PCGF6: variants seen among roughly 807,000 people sequenced by gnomAD.
PCGF6 encodes the protein polycomb group RING finger protein 6.
PCGF6 carries 24 observed loss-of-function variants against 45.5 expected under a neutral mutation model. That is an observed-to-expected ratio of 0.53 (90% CI 0.38 to 0.74). The LOEUF (loss-of-function observed/expected upper bound fraction) is 0.74, where lower values mean the gene tolerates loss of function less well. PCGF6 is among the 30% of genes least tolerant of loss of function. The pLI is 0.00. For synonymous variants in PCGF6, 152 were observed against 162.1 expected, an observed-to-expected ratio of 0.94 and a Z score of 0.47; for missense variants, 356 against 443.2, an observed-to-expected ratio of 0.80 and a Z score of 1.77.
At chr10:103,306,567 C>T (rs376092042) in intron 9 of PCGF6, among the ~76,000 whole-genome samples, 4 of 152,136 alleles carry the variant, frequency 2.6e-5, no homozygotes, top group South Asian at 2.1e-4. Flanking sequence ...TACTCTCCTT[C>T]GCTTCTTTGC....
At position 103,306,081 on chromosome 10, in the gene PCGF6, C is replaced by T. The variant is rs2093137270; in HGVS notation, c.997-2120G>A. 7.9e-5 allele frequency among the ~76,000 whole-genome samples: 9 copies of T among 113,910 alleles called. No homozygotes were observed. In the South Asian group the frequency reaches 3.1e-3, roughly 39 times the overall value. 74.7% of individuals were successfully genotyped at this position (113,910 alleles called of 152,430 possible). A position where few individuals can be genotyped will look rare whatever the true frequency, so the allele number is the denominator to read the frequency against. On this transcript the variant is annotated intron_variant, in intron 9 of 9. Transcript: ENST00000369847. Reference sequence around the variant, plus strand: ...CTTAATTCTTTGGCTCTCACCAAGGCTGCATCCGCAAGCAATCCACCTTTT... The same window carrying T: ...CTTAATTCTTTGGCTCTCACCAAGGTTGCATCCGCAAGCAATCCACCTTTT...
intron 9 of PCGF6, among the ~76,000 whole-genome samples, chr10:103,305,577 T>G (rs966445270): frequency 6.6e-6 from 1 of 152,068 alleles, no homozygotes; most frequent in Non-Finnish European, 1.5e-5. Context: ...GGCCCTAGAC[T>G]TCTTAATAGA....
chr10:103,350,551 A>T (rs1479800245), intron 1 of PCGF6, among the ~76,000 whole-genome samples, 156 bp downstream of exon 1: 3 of 152,184 alleles, frequency 2.0e-5, no homozygotes, highest in Non-Finnish European at 4.4e-5. Context: ...TCGGCGCCAC[A>T]CGCCTAGGCA....
intron 7 of PCGF6, among the ~76,000 whole-genome samples, chr10:103,333,117 T>TAA (rs55722610): frequency 3.5e-4 from 46 of 131,006 alleles, no homozygotes; most frequent in African/African-American, 1.2e-3. Flanking sequence ...AGACTCCATT[T>TAA]AAAAAAAAAA....
chr10:103,326,331 G>A (rs1051229510), intron 8 of PCGF6, among the ~76,000 whole-genome samples: 2 of 150,104 alleles, frequency 1.3e-5, no homozygotes, highest in African/African-American at 2.5e-5. Context: ...TGAGCTTGCA[G>A]TGAGCTGAGA....
At chr10:103,305,202 G>T (rs1285303815) in intron 9 of PCGF6, among the ~76,000 whole-genome samples, 2 of 142,722 alleles carry the variant, frequency 1.4e-5, no homozygotes, top group Non-Finnish European at 3.1e-5. Context: ...TCAAACTCTT[G>T]AGCTTCAAGC....
chr10:103,339,659 G>A (rs973845871), intron 6 of PCGF6, among the ~76,000 whole-genome samples: 20 of 150,530 alleles, frequency 1.3e-4, no homozygotes, highest in Non-Finnish European at 7.4e-5. Context: ...GTGTGGAGGA[G>A]GGCACTTGTA....
Position 103,303,323 on chromosome 10 carries a change from CATA to C in PCGF6, c.*579_*581del, listed in dbSNP as rs1419753985. 6.6e-6 allele frequency: 1 copy of C among 152,432 alleles called. No homozygotes were observed. Among genetic ancestry groups the C allele is most frequent in the East Asian group, 1.9e-4 (1 of 5,190 alleles). 9.4% of individuals were successfully genotyped at this position (152,432 alleles called of 1,614,324 possible). A position where few individuals can be genotyped will look rare whatever the true frequency, so the allele number is the denominator to read the frequency against. On this transcript the variant is annotated 3_prime_UTR_variant, in exon 10 of 10. Transcript: ENST00000369847. Reference sequence around the variant, plus strand: ...ATCATAAACTCAGAGTCTCTTCACACATAATAACAATTCATCCATTTTGAAATG... The same window carrying C: ...ATCATAAACTCAGAGTCTCTTCACACATAACAATTCATCCATTTTGAAATG...
At chr10:103,320,830 A>T (rs1362273422) in intron 8 of PCGF6, among the ~76,000 whole-genome samples, 1 of 151,536 alleles carries the variant, frequency 6.6e-6, no homozygotes, top group African/African-American at 2.4e-5. Flanking sequence ...AATGAAGGTC[A>T]CATATCTGTA....
chr10:103,345,521 T>C (rs988559927), intron 5 of PCGF6, among the ~76,000 whole-genome samples: 1 of 147,762 alleles, frequency 6.8e-6, no homozygotes, highest in African/African-American at 2.5e-5. Context: ...TTTTTTTTTT[T>C]CTTAACTAAT....
At chr10:103,339,807 AAAAACACACACAC>A (rs1299971209) in intron 6 of PCGF6, among the ~76,000 whole-genome samples, 599 of 45,170 alleles carry the variant, frequency 0.013, 37 homozygotes, top group African/African-American at 0.029. Flanking sequence ...GTCTCAAAAA[AAAAACACACACAC>A]ACACACACAC....
chr10:103,338,063 CA>C (rs35839501), intron 6 of PCGF6, among the ~76,000 whole-genome samples: 14,962 of 26,880 alleles, frequency 0.56, 4,273 homozygotes, highest in Non-Finnish European at 0.68. Context: ...GACTCCGTCT[CA>C]AAAAAAAAAA....
chr10:103,317,974 CT>C (rs1274946671), intron 8 of PCGF6, among the ~76,000 whole-genome samples: 1 of 149,210 alleles, frequency 6.7e-6, no homozygotes, highest in East Asian at 2.2e-4. Flanking sequence ...TCAGACTGGT[CT>C]CGAACTCCCG....
chr10:103,329,005 G>A (rs541445233), intron 7 of PCGF6, among the ~76,000 whole-genome samples: 25 of 149,908 alleles, frequency 1.7e-4, no homozygotes, highest in Admixed American at 9.4e-4. Context: ...TCAGCGTCCC[G>A]AAGTGCTGGG....
At position 103,318,351 on chromosome 10, in the gene PCGF6, G is replaced by A. The variant is rs142222668; in HGVS notation, c.910-4079C>T. Among the ~76,000 whole-genome samples the A allele has an allele frequency of 4.5e-4, 66 of 147,478 alleles. No individual in the cohort carries two copies. In the East Asian group the frequency reaches 0.014, roughly 30 times the overall value. On this transcript the variant is annotated intron_variant, in intron 8 of 9. Coordinates refer to ENST00000369847, the MANE Select transcript of PCGF6 (RefSeq NM_001011663.2). ...CCAGCTACTCAGGAGGCTGAGGCAG[G>A]AGGATCACTCAAACCTGGGAGTCAG...
rs372427350 is a variant in PCGF6, at chr10:103,347,497, C to T, written c.558-47G>A. ...GAATACCTCAGAATTCAGAAAAATG[C>T]ATTTTGGTACAGAGTGAGTTAATTG... On this transcript the variant is annotated intron_variant, in intron 3 of 9. Transcript: ENST00000369847. 2.1e-6 allele frequency: 3 copies of T among 1,461,332 alleles called. No individual in the cohort carries two copies. In the Admixed American group the frequency reaches 5.6e-5, roughly 27 times the overall value. The allele number at this position is 1,461,332 out of a possible 1,614,324, so 90.5% of individuals were successfully genotyped here. A position where few individuals can be genotyped will look rare whatever the true frequency, so the allele number is the denominator to read the frequency against.
At position 103,339,809 on chromosome 10, in the gene PCGF6, A is replaced by AC. The variant is rs2093272550; in HGVS notation, c.782+5214_782+5215insG. ...CGAAATTCTGTCTGTCTCAAAAAAA[A>AC]AACACACACACACACACACACACAC... On this transcript the variant is annotated intron_variant, in intron 6 of 9. Transcript: ENST00000369847. Among the ~76,000 whole-genome samples the AC allele has an allele frequency of 1.5e-3, 58 of 38,686 alleles. 1 individual carries two copies. Among genetic ancestry groups the AC allele is most frequent in the Admixed American group, 4.1e-3 (11 of 2,702 alleles). The allele number at this position is 38,686 out of a possible 152,430, so 25.4% of individuals were successfully genotyped here.
At position 103,340,196 on chromosome 10, in the gene PCGF6, A is replaced by ATATAT. The variant is rs1397610873; in HGVS notation, c.782+4827_782+4828insATATA. Among the ~76,000 whole-genome samples, 151 of 99,870 alleles carry ATATAT rather than the reference A, an allele frequency of 1.5e-3. 1 individual carries two copies. The highest frequency in any genetic ancestry group is 5.3e-3 in the African/African-American group (132 of 24,944). The allele number at this position is 99,870 out of a possible 152,430, so 65.5% of individuals were successfully genotyped here. A position where few individuals can be genotyped will look rare whatever the true frequency, so the allele number is the denominator to read the frequency against. On this transcript the variant is annotated intron_variant, in intron 6 of 9. Coordinates refer to ENST00000369847, the MANE Select transcript of PCGF6 (RefSeq NM_001011663.2). ...TGTCTCAGGGAAAAAAAAAAAAAAA[A>ATATAT]AAATATATATATATATATATATATA... is the stretch of plus-strand genomic sequence containing the variant.
At chr10:103,331,775 T>G (rs1328756141) in intron 7 of PCGF6, among the ~76,000 whole-genome samples, 1 of 152,208 alleles carries the variant, frequency 6.6e-6, no homozygotes, top group East Asian at 1.9e-4. Context: ...TTATATTCCT[T>G]CAGTGTCATT....
Sources: allele counts gnomAD v4.1 joint callset (sites outside exome capture counted in the v4.1 genomes callset), GRCh38; gene constraint gnomAD v4.1.1; transcripts MANE v1.5; gene names NCBI Gene and HGNC (gene_info 2026-07-23, HGNC 2026-07-21).